DLG2: variants seen among roughly 807,000 people sequenced by gnomAD.
DLG2 encodes the protein disks large homolog 2.
Under a neutral mutation model 132.5 loss-of-function variants are expected in DLG2, and 45 were observed. The ratio of observed to expected loss-of-function variants is 0.34; its 90% CI spans 0.27 to 0.44. DLG2 has a LOEUF of 0.44. DLG2 is among the 20% of genes least tolerant of loss of function. The probability of loss-of-function intolerance (pLI) is 1.00; values close to 1 mark genes in which losing one functional copy is unlikely to be tolerated. For missense variants in DLG2, 1,045 were observed against 1,196.9 expected (o/e 0.87, Z 1.87); for synonymous variants, 424 against 419.6 (o/e 1.01, Z -0.13).
chr11:84,355,012 A>G (rs2098602599), intron 7 of DLG2, among the ~76,000 whole-genome samples: 1 of 152,136 alleles, frequency 6.6e-6, no homozygotes, highest in African/African-American at 2.4e-5. Context: ...TCTCTCCTGA[A>G]CAAGGTAATG....
At chr11:85,160,795 C>T (rs1328026137) in intron 4 of DLG2, among the ~76,000 whole-genome samples, 2 of 152,144 alleles carry the variant, frequency 1.3e-5, no homozygotes, top group Admixed American at 6.5e-5. Context: ...GAGGAAAAGA[C>T]TAGGGCCTGG....
chr11:84,691,142 T>G (rs2057986246), intron 6 of DLG2, among the ~76,000 whole-genome samples: 1 of 151,872 alleles, frequency 6.6e-6, no homozygotes, highest in Admixed American at 6.6e-5. Context: ...TTTTTTAAGG[T>G]CTCCATGATA....
intron 7 of DLG2, among the ~76,000 whole-genome samples, chr11:84,364,165 T>C (rs1485182470): frequency 6.6e-6 from 1 of 151,910 alleles, no homozygotes; most frequent in Non-Finnish European, 1.5e-5. Flanking sequence ...TTCCATTTGT[T>C]TGTATCCTCT....
At chr11:84,481,499 A>G (rs953866835) in intron 7 of DLG2, among the ~76,000 whole-genome samples, 8 of 152,168 alleles carry the variant, frequency 5.3e-5, no homozygotes, top group Admixed American at 1.3e-4. Context: ...ACTGAAGAGA[A>G]TTATATGAGG....
chr11:85,451,834 C>A (rs1056702509), intron 3 of DLG2, among the ~76,000 whole-genome samples: 1 of 152,082 alleles, frequency 6.6e-6, no homozygotes, highest in East Asian at 1.9e-4. Flanking sequence ...ACAGGTGAGC[C>A]AGCATGCCCT....
chr11:85,092,047 T>C (rs2068869211), intron 6 of DLG2, among the ~76,000 whole-genome samples: 1 of 152,220 alleles, frequency 6.6e-6, no homozygotes, highest in Non-Finnish European at 1.5e-5. Context: ...GCTTATGGAA[T>C]GCATTTTTTA....
chr11:85,462,568 G>A (rs766016034), intron 3 of DLG2, among the ~76,000 whole-genome samples: 8 of 151,802 alleles, frequency 5.3e-5, no homozygotes, highest in Admixed American at 3.3e-4. Flanking sequence ...ACCAAACACC[G>A]CATGTTCTCA....
At chr11:83,553,483 CGTGTGTGTGTGTGTGTGT>C (rs71959561) in intron 19 of DLG2, among the ~76,000 whole-genome samples, 10 of 143,868 alleles carry the variant, frequency 7.0e-5, no homozygotes, top group South Asian at 2.3e-4. Flanking sequence ...AAGTAAGCAC[CGTGTGTGTGTGTGTGTGT>C]GTGTGTGTGT....
chr11:84,658,435 G>A (rs550402733), intron 6 of DLG2, among the ~76,000 whole-genome samples: 58 of 152,246 alleles, frequency 3.8e-4, no homozygotes, highest in African/African-American at 1.3e-3. Context: ...TGGAATTCTC[G>A]TGAATGGGAT....
intron 3 of DLG2, among the ~76,000 whole-genome samples, chr11:85,495,996 C>T (rs974908870): frequency 3.3e-5 from 5 of 152,126 alleles, no homozygotes; most frequent in South Asian, 2.1e-4. Flanking sequence ...GCAGAAGACA[C>T]GTGATTTCTG....
At chr11:85,178,828 G>C (rs952145206) in intron 4 of DLG2, among the ~76,000 whole-genome samples, 1 of 151,870 alleles carries the variant, frequency 6.6e-6, no homozygotes, top group African/African-American at 2.4e-5. Flanking sequence ...AAAATGCTGA[G>C]ATCTAAAATA....
At chr11:83,588,287 G>A (rs921880961) in intron 19 of DLG2, among the ~76,000 whole-genome samples, 5 of 150,496 alleles carry the variant, frequency 3.3e-5, no homozygotes, top group Non-Finnish European at 7.4e-5. Context: ...CTGGAGATCT[G>A]AGAACGGGCA....
chr11:85,508,363 C>T (rs2093982169), intron 3 of DLG2, among the ~76,000 whole-genome samples: 1 of 152,036 alleles, frequency 6.6e-6, no homozygotes, highest in Admixed American at 6.6e-5. Context: ...CCACAAGGCC[C>T]TTGCACTTGC....
At chr11:83,627,961 C>T (rs2062891463) in intron 19 of DLG2, among the ~76,000 whole-genome samples, 1 of 152,122 alleles carries the variant, frequency 6.6e-6, no homozygotes, top group Non-Finnish European at 1.5e-5. Context: ...TCTCTGATGG[C>T]CAGTGATGAT....
At chr11:84,579,512 T>G (rs555952852) in intron 6 of DLG2, among the ~76,000 whole-genome samples, 72 of 152,220 alleles carry the variant, frequency 4.7e-4, no homozygotes, top group Non-Finnish European at 9.4e-4. Flanking sequence ...GGAGAACATT[T>G]CAAGAACAGA....
chr11:83,726,978 T>C (rs2153694329), intron 18 of DLG2, among the ~76,000 whole-genome samples: 1 of 152,234 alleles, frequency 6.6e-6, no homozygotes, highest in Non-Finnish European at 1.5e-5. Context: ...AAAAAATAAT[T>C]GAAAATGATT....
intron 8 of DLG2, among the ~76,000 whole-genome samples, chr11:84,188,551 C>A (rs979862057): frequency 6.6e-6 from 1 of 152,098 alleles, no homozygotes; most frequent in African/African-American, 2.4e-5. Flanking sequence ...CTTTCAGAAT[C>A]TTTGGGAACT....
chr11:83,781,281 T>C (rs1002715011), intron 18 of DLG2, among the ~76,000 whole-genome samples: 1 of 152,218 alleles, frequency 6.6e-6, no homozygotes, highest in African/African-American at 2.4e-5. Flanking sequence ...CTTATCACCA[T>C]GTGACACATT....
intron 19 of DLG2, among the ~76,000 whole-genome samples, chr11:83,567,897 G>T (rs377669031): frequency 6.6e-6 from 1 of 152,152 alleles, no homozygotes; most frequent in East Asian, 1.9e-4. Flanking sequence ...CTGAAGAATT[G>T]AAGAGAAGCA....
Sources: gnomAD v4.1 joint callset for allele counts (sites outside exome capture counted in the v4.1 genomes callset) on GRCh38, gnomAD v4.1.1 for gene constraint, MANE v1.5 for transcripts, NCBI Gene and HGNC (gene_info 2026-07-23, HGNC 2026-07-21) for gene names.